LINGO2: variants seen among roughly 807,000 people sequenced by gnomAD.
LINGO2 encodes the protein leucine rich repeat and Ig domain containing 2.
A neutral mutation model predicts 30.6 loss-of-function variants in LINGO2; 14 were observed. The observed-to-expected ratio is 0.46, with a 90% CI of 0.30 to 0.72. LINGO2 has a LOEUF of 0.72. Ranked by LOEUF, LINGO2 falls within the 30% of genes least tolerant of loss-of-function variation. The pLI is 0.07. For synonymous variants in LINGO2, 317 were observed against 288.5 expected (o/e 1.10, Z -1.00); for missense variants, 729 against 751.7 (o/e 0.97, Z 0.35).
chr9:28,973,298 CA>C, the LINGO2 span, among the ~76,000 whole-genome samples: 4 of 152,166 alleles, frequency 2.6e-5, no homozygotes, highest in Middle Eastern at 3.4e-3. Flanking sequence ...AGAAAAGAAA[CA>C]AATAACATAC....
chr9:28,744,608 TC>T, the LINGO2 span, among the ~76,000 whole-genome samples: 29 of 105,586 alleles, frequency 2.7e-4, no homozygotes, highest in Admixed American at 1.0e-3. Flanking sequence ...GATATTCCCC[TC>T]GTGTGTGTGT....
intron 1 of LINGO2, among the ~76,000 whole-genome samples, chr9:28,506,172 A>C (rs1820102411): frequency 6.6e-6 from 1 of 151,302 alleles, no homozygotes; most frequent in African/African-American, 2.4e-5. Flanking sequence ...TCACACTTCC[A>C]CTCAAGAAAA....
chr9:27,972,803 G>T (rs1018843998), intron 5 of LINGO2, among the ~76,000 whole-genome samples: 1 of 152,128 alleles, frequency 6.6e-6, no homozygotes, highest in African/African-American at 2.4e-5. Context: ...GACATTGATA[G>T]TTACATTCAA....
intron 4 of LINGO2, among the ~76,000 whole-genome samples, chr9:28,247,595 G>A (rs561427553): frequency 6.6e-6 from 1 of 152,226 alleles, no homozygotes; most frequent in South Asian, 2.1e-4. Context: ...ACTGGGGCCT[G>A]TAGGGAAGGG....
At chr9:28,256,091 A>C (rs1822374388) in intron 4 of LINGO2, among the ~76,000 whole-genome samples, 1 of 151,966 alleles carries the variant, frequency 6.6e-6, no homozygotes, top group Non-Finnish European at 1.5e-5. Flanking sequence ...ACCCAAAACA[A>C]AGAGATATAG....
chr9:28,302,156 C>T (rs1824172424), intron 3 of LINGO2, among the ~76,000 whole-genome samples: 1 of 152,188 alleles, frequency 6.6e-6, no homozygotes, highest in Non-Finnish European at 1.5e-5. Context: ...CACTACAAAG[C>T]AGCCATATAA....
At chr9:28,343,051 T>C (rs1014505770) in intron 3 of LINGO2, among the ~76,000 whole-genome samples, 3 of 152,070 alleles carry the variant, frequency 2.0e-5, no homozygotes, top group Admixed American at 2.0e-4. Flanking sequence ...AAACCCAGGG[T>C]TTCCATATGG....
the LINGO2 span, among the ~76,000 whole-genome samples, chr9:28,715,993 TA>T: frequency 6.6e-6 from 1 of 151,878 alleles, no homozygotes; most frequent in Non-Finnish European, 1.5e-5. Flanking sequence ...ATAGTGACAA[TA>T]AAATGTGTTG....
intron 1 of LINGO2, among the ~76,000 whole-genome samples, chr9:28,511,180 C>T (rs1820370480): frequency 6.6e-6 from 1 of 152,160 alleles, no homozygotes. Flanking sequence ...CATCACAAGT[C>T]CACCCGTTGT....
chr9:28,494,977 A>C (rs1336956560), intron 1 of LINGO2, among the ~76,000 whole-genome samples: 1 of 152,204 alleles, frequency 6.6e-6, no homozygotes, highest in Non-Finnish European at 1.5e-5. Context: ...AGTGATGATG[A>C]GCATTTTTTC....
intron 4 of LINGO2, among the ~76,000 whole-genome samples, chr9:28,105,158 C>T (rs914759016): frequency 4.6e-5 from 7 of 152,114 alleles, no homozygotes; most frequent in African/African-American, 1.7e-4. Context: ...CAGCTGAAGA[C>T]AAAAATACTC....
At chr9:28,390,389 A>G (rs1169033167) in intron 2 of LINGO2, among the ~76,000 whole-genome samples, 2 of 152,180 alleles carry the variant, frequency 1.3e-5, no homozygotes, top group Non-Finnish European at 2.9e-5. Context: ...GAAGCCATGT[A>G]TTATTTAATA....
At chr9:29,004,782 T>A in the LINGO2 span, among the ~76,000 whole-genome samples, 257 of 151,764 alleles carry the variant, frequency 1.7e-3, 1 homozygote, top group Middle Eastern at 0.01. Context: ...ACACAAAACA[T>A]CAAGAAATCA....
chr9:28,013,419 T>A (rs576096174), intron 4 of LINGO2, among the ~76,000 whole-genome samples: 2 of 152,250 alleles, frequency 1.3e-5, no homozygotes, highest in East Asian at 3.9e-4. Context: ...CAGGGAAAAA[T>A]CTCGTTGATG....
chr9:27,963,480 T>C (rs930232701), intron 5 of LINGO2, among the ~76,000 whole-genome samples: 1 of 152,080 alleles, frequency 6.6e-6, no homozygotes, highest in Non-Finnish European at 1.5e-5. Context: ...ATGGTTGTTG[T>C]ATGTTGTTTA....
chr9:28,356,561 A>G (rs757433190), intron 3 of LINGO2, among the ~76,000 whole-genome samples: 1 of 152,138 alleles, frequency 6.6e-6, no homozygotes, highest in Non-Finnish European at 1.5e-5. Context: ...CTGTTTCTTC[A>G]TGGGAAAAAA....
the LINGO2 span, among the ~76,000 whole-genome samples, chr9:29,157,064 T>A: frequency 2.6e-5 from 4 of 151,982 alleles, no homozygotes; most frequent in African/African-American, 7.2e-5. Flanking sequence ...AAATTGCATA[T>A]AATCTCCAAC....
chr9:28,433,949 C>CTCTCTCTATATATA (rs1225323260), intron 2 of LINGO2, among the ~76,000 whole-genome samples: 14 of 88,478 alleles, frequency 1.6e-4, no homozygotes, highest in African/African-American at 6.3e-4. Context: ...CTCTCTCTCT[C>CTCTCTCTATATATA]TATATATATA....
chr9:28,731,754 G>T, the LINGO2 span, among the ~76,000 whole-genome samples: 1 of 151,960 alleles, frequency 6.6e-6, no homozygotes. Flanking sequence ...AATATAGCTG[G>T]GAAAATCTGG....
Sources: allele counts gnomAD v4.1 joint callset (sites outside exome capture counted in the v4.1 genomes callset), GRCh38; gene constraint gnomAD v4.1.1; transcripts MANE v1.5; gene names NCBI Gene and HGNC (gene_info 2026-07-23, HGNC 2026-07-21).